Variants in DAZAP1 observed in about 807,000 individuals in gnomAD.
The protein encoded by DAZAP1 is DAZ associated protein 1, also known as DAZ-associated protein 1.
Under a neutral mutation model 60.1 loss-of-function variants are expected in DAZAP1, and 6 were observed. That is an observed-to-expected ratio of 0.10 (90% CI 0.05 to 0.20). The LOEUF (loss-of-function observed/expected upper bound fraction) is 0.20. Ranked by LOEUF, DAZAP1 falls within the 10% of genes least tolerant of loss-of-function variation. The pLI, the probability that DAZAP1 is intolerant of heterozygous loss-of-function variation, is 1.00. For synonymous variants in DAZAP1, 235 were observed against 215.9 expected (o/e 1.09, Z -0.78); for missense variants, 366 against 560.4 (o/e 0.65, Z 3.50).
chr19:1,430,265 A>AC lies in DAZAP1; in HGVS notation c.779dup (p.Pro261ThrfsTer166). ...CTGCAGGAAGAGGAGCCCCCCCGCCACCCCCACCGTTCACCTCCTACATCG... is the reference window on the plus strand; with the variant it reads ...CTGCAGGAAGAGGAGCCCCCCCGCCACCCCCCACCGTTCACCTCCTACATCG... On this transcript the variant is annotated frameshift_variant, in exon 10 of 12. Coordinates refer to ENST00000233078, the MANE Select transcript of DAZAP1 (RefSeq NM_018959.4). LOFTEE classifies it high-confidence loss of function. 5.3e-6 allele frequency: 3 copies of AC among 565,638 alleles called. No homozygotes were observed. The highest frequency in any genetic ancestry group is 5.7e-6 in the Non-Finnish European group (2 of 350,510). 35.0% of individuals were successfully genotyped at this position (565,638 alleles called of 1,614,324 possible).
chr19:1,421,640 C>T lies in DAZAP1; in HGVS notation c.414+382C>T, dbSNP rs563851937. ...TCCACTGGGCAGGTGGGAGAATGCCCGAGCTCCGTTGAGCCCAGTGCCAGA... is the reference window on the plus strand; with the variant it reads ...TCCACTGGGCAGGTGGGAGAATGCCTGAGCTCCGTTGAGCCCAGTGCCAGA... On this transcript the variant is annotated intron_variant, in intron 5 of 11. Transcript: ENST00000233078. Among the ~76,000 whole-genome samples, 100 of 152,360 alleles carry T rather than the reference C, an allele frequency of 6.6e-4. 1 individual carries two copies. In the South Asian group the frequency reaches 0.02, roughly 30 times the overall value.
In DAZAP1 at chr19:1,432,656, G is replaced by A. The variant is rs1270116300; in HGVS notation, c.1014G>A (p.Pro338=). The A allele has an allele frequency of 4.3e-6, 7 of 1,611,778 alleles. No homozygotes were observed. Among genetic ancestry groups the A allele is most frequent in the Admixed American group, 1.7e-5 (1 of 59,872 alleles). ...SQAAPDMSKP[P]TAQPDFPYGQ... is the part of the protein sequence containing the mutation. ...CTGCCCCGGACATGAGCAAGCCCCC[G>A]ACAGCTCAGCCAGACTTCCCCTATG... Residue 338 remains proline (P), a synonymous_variant, in exon 11 of 12, where the codon CCG becomes CCA. Transcript: ENST00000233078. This position sits in a 1 kb window ranked among gnomAD's most constrained non-coding sequence, Gnocchi z 4.9.
chr19:1,433,786 G>T lies in DAZAP1; in HGVS notation c.1049-951G>T. On this transcript the variant is annotated intron_variant, in intron 11 of 11. Coordinates refer to ENST00000233078, the MANE Select transcript of DAZAP1 (RefSeq NM_018959.4). This position sits in a 1 kb window ranked among gnomAD's most constrained non-coding sequence, Gnocchi z 6.1. Reference sequence around the variant, plus strand: ...CCCGCCGGGCTGCGGCCCACACTTTGTTTACAGTCTTATGGTCAGGCTGAG... The same window carrying T: ...CCCGCCGGGCTGCGGCCCACACTTTTTTTACAGTCTTATGGTCAGGCTGAG... 1 of 1,614,050 alleles carries T rather than the reference G, an allele frequency of 6.2e-7. No individual in the cohort carries two copies. The highest frequency in any genetic ancestry group is 8.5e-7 in the Non-Finnish European group (1 of 1,179,938).
intron 8 of DAZAP1, 25 bp downstream of exon 8, chr19:1,429,020 C>T (rs759588564): frequency 2.6e-5 from 41 of 1,548,348 alleles, no homozygotes; most frequent in Non-Finnish European, 3.3e-5. Flanking sequence ...GAGGTGCCCA[C>T]GGGAATGTCC....
chr19:1,410,531 G>A (rs1169113586), intron 1 of DAZAP1, among the ~76,000 whole-genome samples: 1 of 152,230 alleles, frequency 6.6e-6, no homozygotes, highest in African/African-American at 2.4e-5. Context: ...TGCCCTCCCT[G>A]GCCTTGTGAA....
rs932552769 is a variant in DAZAP1 at position 1,434,445 on chromosome 19, C to T, written c.1049-292C>T. On this transcript the variant is annotated intron_variant, in intron 11 of 11. Coordinates refer to ENST00000233078, the MANE Select transcript of DAZAP1 (RefSeq NM_018959.4). The surrounding 1 kb of genome is among the most constrained non-coding windows in gnomAD (Gnocchi z 8.0). Reference sequence around the variant, plus strand: ...AGGCTTCTCTACCTCCCCTCACCCCCCCAACCACGTCTTCGGGATTGAACA... The same window carrying T: ...AGGCTTCTCTACCTCCCCTCACCCCTCCAACCACGTCTTCGGGATTGAACA... 1 of 368,660 alleles carries T rather than the reference C, an allele frequency of 2.7e-6. No individual in the cohort carries two copies. The highest frequency in any genetic ancestry group is 2.2e-5 in the African/African-American group (1 of 46,428). The allele number at this position is 368,660 out of a possible 1,614,324, so 22.8% of individuals were successfully genotyped here. A position where few individuals can be genotyped will look rare whatever the true frequency, so the allele number is the denominator to read the frequency against.
At chr19:1,424,125 C>T (rs1232959463) in intron 6 of DAZAP1, among the ~76,000 whole-genome samples, 1 of 151,758 alleles carries the variant, frequency 6.6e-6, no homozygotes, top group African/African-American at 2.4e-5. Flanking sequence ...AGGTCATGGC[C>T]ATGTCCCTGT....
rs2083014953 is a variant in DAZAP1 at position 1,417,293 on chromosome 19, C to G, written c.30-207C>G. Reference sequence around the variant, plus strand: ...CTGTGGCACGGTCCTCTCCCCATGGCAAGGATTGGGATCATCTTTCATGTC... The same window carrying G: ...CTGTGGCACGGTCCTCTCCCCATGGGAAGGATTGGGATCATCTTTCATGTC... On this transcript the variant is annotated intron_variant, in intron 1 of 11. Coordinates refer to ENST00000233078, the MANE Select transcript of DAZAP1 (RefSeq NM_018959.4). 5 of 630,320 alleles carry G rather than the reference C, an allele frequency of 7.9e-6. No individual in the cohort carries two copies. The South Asian group carries it at 9.3e-5, about 12-fold the overall frequency. 39.0% of individuals were successfully genotyped at this position (630,320 alleles called of 1,614,324 possible).
intron 1 of DAZAP1, among the ~76,000 whole-genome samples, chr19:1,414,178 C>T (rs1320878872): frequency 1.3e-5 from 2 of 151,956 alleles, no homozygotes; most frequent in Non-Finnish European, 2.9e-5. Flanking sequence ...CCACCGAGCC[C>T]AGCTAATTTT....
In DAZAP1 at chr19:1,418,086, A is replaced by C; in HGVS notation, c.71-118A>C. ...CCCGTACACCCCCCACCCCCAGTGC[A>C]GCATCGCTCGGTGCGTGGCTGGTGG... On this transcript the variant is annotated intron_variant, in intron 2 of 11. Coordinates refer to ENST00000233078, the MANE Select transcript of DAZAP1 (RefSeq NM_018959.4). The surrounding 1 kb of genome is among the most constrained non-coding windows in gnomAD (Gnocchi z 5.7). 1.9e-6 allele frequency: 2 copies of C among 1,029,982 alleles called. No individual in the cohort carries two copies. The allele number at this position is 1,029,982 out of a possible 1,614,324, so 63.8% of individuals were successfully genotyped here.
At position 1,418,423 on chromosome 19, in the gene DAZAP1, T is replaced by C. The variant is rs2083050390; in HGVS notation, c.237+53T>C. On this transcript the variant is annotated intron_variant, in intron 3 of 11. Transcript: ENST00000233078. This position sits in a 1 kb window ranked among gnomAD's most constrained non-coding sequence, Gnocchi z 5.7. Reference sequence around the variant, plus strand: ...CGCTCTCTGTCTCCCCTGTCCTTCCTCTGCTTCATTTTTTCCTGGACTCTG... The same window carrying C: ...CGCTCTCTGTCTCCCCTGTCCTTCCCCTGCTTCATTTTTTCCTGGACTCTG... 1.9e-6 allele frequency: 3 copies of C among 1,592,610 alleles called. No individual in the cohort carries two copies. Among genetic ancestry groups the C allele is most frequent in the Non-Finnish European group, 2.6e-6 (3 of 1,165,254 alleles).
intron 1 of DAZAP1, among the ~76,000 whole-genome samples, chr19:1,414,667 C>T (rs191570488): frequency 6.6e-5 from 10 of 151,796 alleles, no homozygotes; most frequent in African/African-American, 1.9e-4. Flanking sequence ...ACCCGGGAGG[C>T]GGAGGTTGCA....
intron 4 of DAZAP1, among the ~76,000 whole-genome samples, chr19:1,419,783 C>T (rs1414014313): frequency 2.0e-5 from 3 of 151,602 alleles, no homozygotes; most frequent in Admixed American, 6.6e-5. Flanking sequence ...ACTCACCCCA[C>T]GCACACACTC....
In DAZAP1 at chr19:1,430,254, G is replaced by GA; in HGVS notation, c.763_764insA (p.Ala255AspfsTer172). 7.7e-7 allele frequency: 1 copy of GA among 1,295,266 alleles called. No individual in the cohort carries two copies. The allele number at this position is 1,295,266 out of a possible 1,614,324, so 80.2% of individuals were successfully genotyped here. On this transcript the variant is annotated frameshift_variant, in exon 10 of 12. Transcript: ENST00000233078. LOFTEE classifies it high-confidence loss of function. The stretch of plus-strand genomic sequence containing the variant: ...TGGACCGCCCCCTGCAGGAAGAGGA[G>GA]CCCCCCCGCCACCCCCACCGTTCAC...
chr19:1,420,887 G>A (rs1389895313), intron 4 of DAZAP1, among the ~76,000 whole-genome samples: 4 of 152,246 alleles, frequency 2.6e-5, no homozygotes, highest in Non-Finnish European at 1.5e-5. Flanking sequence ...GGCAAGGCAC[G>A]CACTGTGTCG....
intron 6 of DAZAP1, among the ~76,000 whole-genome samples, chr19:1,424,954 G>A (rs913721183): frequency 1.3e-5 from 2 of 152,206 alleles, no homozygotes; most frequent in African/African-American, 2.4e-5. Flanking sequence ...GAGGAGACCC[G>A]CCCCGTTAGC....
chr19:1,426,201 C>T lies in DAZAP1; in HGVS notation c.546+241C>T, dbSNP rs779731182. The T allele has an allele frequency of 4.2e-6, 2 of 478,338 alleles. No homozygotes were observed. Among genetic ancestry groups the T allele is most frequent in the Non-Finnish European group, 7.7e-6 (2 of 260,570 alleles). 29.6% of individuals were successfully genotyped at this position (478,338 alleles called of 1,614,324 possible). ...CCTGGAGCCCCTCCCTCTGGGTGAC[C>T]TGGGACTGGGCGGGTAGGGGGCTGG... On this transcript the variant is annotated intron_variant, in intron 7 of 11. Coordinates refer to ENST00000233078, the MANE Select transcript of DAZAP1 (RefSeq NM_018959.4). This position sits in a 1 kb window ranked among gnomAD's most constrained non-coding sequence, Gnocchi z 5.4.
At chr19:1,410,297 G>C (rs534396246) in intron 1 of DAZAP1, among the ~76,000 whole-genome samples, 1 of 152,270 alleles carries the variant, frequency 6.6e-6, no homozygotes, top group South Asian at 2.1e-4. Flanking sequence ...TACGTGTGGT[G>C]GGGTGTGGGG....
intron 1 of DAZAP1, among the ~76,000 whole-genome samples, chr19:1,415,266 G>T (rs1386518588): frequency 6.6e-6 from 1 of 151,688 alleles, no homozygotes; most frequent in African/African-American, 2.4e-5. Flanking sequence ...ACACCTGCCT[G>T]TTACCTGGCT....
Sources: gnomAD v4.1 joint callset for allele counts (sites outside exome capture counted in the v4.1 genomes callset) on GRCh38, gnomAD v4.1.1 for gene constraint, Gnocchi (gnomAD v3.1) non-coding constraint, MANE v1.5 for transcripts, NCBI Gene and HGNC (gene_info 2026-07-23, HGNC 2026-07-21) for gene names.